The following STX3 variants were observed in gnomAD, a reference collection of about 807,000 sequenced individuals.
STX3 encodes the protein syntaxin-3.
A neutral mutation model predicts 40.2 loss-of-function variants in STX3; 19 were observed. The ratio of observed to expected loss-of-function variants is 0.47; its 90% confidence interval spans 0.33 to 0.69. STX3 has a LOEUF of 0.69. Among genes scored for constraint, STX3 ranks in the 30% least tolerant of loss-of-function variants. The pLI, the probability that STX3 is intolerant of heterozygous loss-of-function variation, is 0.02. For synonymous variants in STX3, 122 were observed against 132.2 expected, an observed-to-expected ratio of 0.92 and a Z score of 0.53; for missense variants, 364 against 366.7, an observed-to-expected ratio of 0.99 and a Z score of 0.06.
intron 8 of STX3, 83 bp from the exon 9 acceptor site, chr11:59,795,289 G>T: frequency 2.6e-6 from 3 of 1,166,892 alleles, no homozygotes; most frequent in Non-Finnish European, 3.7e-6. Flanking sequence ...ACTGAAGATT[G>T]TAAGAAAGAG....
In STX3 at chr11:59,795,469, G is replaced by T. The variant is rs1252468366; in HGVS notation, c.773G>T (p.Ser258Ile). ...ACGAAAAAAGCTGTGAAATACCAGA[G>T]TCAGGCCCGGAAGGTGAGACTCTCC... is the stretch of plus-strand genomic sequence containing the variant. ...DETKKAVKYQ[S>I]QARKKLIIII... is the part of the protein sequence containing the mutation. The change falls in exon 9 of 11, where the codon AGT (serine) becomes ATT (isoleucine). Residue 258 changes from serine (S) to isoleucine (I), a missense_variant. Ser to Ile is a moderately radical substitution (Grantham distance 142, BLOSUM62 -2). Transcript: ENST00000337979. 3.1e-6 allele frequency: 5 copies of T among 1,612,064 alleles called. No individual in the cohort carries two copies. Among genetic ancestry groups the T allele is most frequent in the Non-Finnish European group, 3.4e-6 (4 of 1,179,136 alleles).
At chr11:59,791,386 A>G (rs1865148632) in intron 5 of STX3, among the ~76,000 whole-genome samples, 1 of 152,200 alleles carries the variant, frequency 6.6e-6, no homozygotes, top group Admixed American at 6.5e-5. Context: ...ATCTGATGTT[A>G]TAACTTACAG....
chr11:59,800,961 C>T lies in STX3; in HGVS notation c.*137C>T. Reference sequence around the variant, plus strand: ...TGCGACCCGTTCCTTTGTTTCCTTGCAACCACCCTTGGACCTGACTCAGCT... The same window carrying T: ...TGCGACCCGTTCCTTTGTTTCCTTGTAACCACCCTTGGACCTGACTCAGCT... On this transcript the variant is annotated 3_prime_UTR_variant, in exon 11 of 11. Coordinates refer to ENST00000337979, the MANE Select transcript of STX3 (RefSeq NM_004177.5). The T allele has an allele frequency of 6.5e-7, 1 of 1,535,580 alleles. No homozygotes were observed. Among genetic ancestry groups the T allele is most frequent in the Non-Finnish European group, 8.7e-7 (1 of 1,146,526 alleles).
At chr11:59,796,031 C>T (rs780186772) in intron 9 of STX3, among the ~76,000 whole-genome samples, 2 of 152,242 alleles carry the variant, frequency 1.3e-5, no homozygotes. Context: ...ACACTTGACT[C>T]CTCTGTTCAG....
intron 5 of STX3, among the ~76,000 whole-genome samples, chr11:59,791,046 A>C (rs1474676299): frequency 6.6e-6 from 1 of 150,596 alleles, no homozygotes; most frequent in Non-Finnish European, 1.5e-5. Context: ...GGATGCGATA[A>C]GAAGACACAT....
intron 9 of STX3, among the ~76,000 whole-genome samples, chr11:59,796,084 C>T (rs1247180290): frequency 3.3e-5 from 5 of 152,316 alleles, no homozygotes; most frequent in South Asian, 2.1e-4. Context: ...GCCCAAGCTC[C>T]GCCTCCCTTC....
intron 2 of STX3, chr11:59,781,536 G>C (rs1864382633): frequency 1.2e-6 from 2 of 1,613,704 alleles, no homozygotes; most frequent in Non-Finnish European, 1.7e-6. Flanking sequence ...AAACTGTGTT[G>C]TTTTCAAAGT....
intron 1 of STX3, 149 bp from the exon 2 acceptor site, chr11:59,773,062 G>A (rs376159581): frequency 5.4e-5 from 37 of 691,298 alleles, no homozygotes; most frequent in South Asian, 3.8e-4. Context: ...TTGAGACACC[G>A]GAATTTGATA....
chr11:59,782,838 C>CAA (rs567313662), intron 2 of STX3, among the ~76,000 whole-genome samples: 6 of 105,116 alleles, frequency 5.7e-5, no homozygotes, highest in African/African-American at 1.8e-4. Flanking sequence ...ACTAAAAATA[C>CAA]AAAAAAAAAA....
At chr11:59,766,981 A>G (rs75759299) in intron 1 of STX3, among the ~76,000 whole-genome samples, 8,283 of 152,298 alleles carry the variant, frequency 0.054, 321 homozygotes, top group East Asian at 0.12. Context: ...TTTATAAATT[A>G]TATGAGCTAA....
rs779813245 is a variant in STX3, at chr11:59,790,530, C to T, written c.301C>T (p.His101Tyr). 2 of 1,613,682 alleles carry T rather than the reference C, an allele frequency of 1.2e-6. No homozygotes were observed. The highest frequency in any genetic ancestry group is 2.2e-5 in the South Asian group (2 of 91,064). Residue 101 changes from histidine (H) to tyrosine (Y), a missense_variant, in exon 5 of 11, where the codon CAT (histidine) becomes TAT (tyrosine). By Grantham distance (83) the His-to-Tyr change is moderately conservative. Transcript: ENST00000337979. ...CCTCTCCTCTTTAGGCATGGAGAAG[C>T]ATATTGAAGAAGATGAGGTCAGGTC... ...VRNKLKSMEK[H>Y]IEEDEVRSSA...
rs550325007 is a variant in STX3, at chr11:59,763,943, G to A, written c.30+8308G>A. ...TGAGGCAGGAGAATCACTTGAACCC[G>A]GGAGGTGGAGGTTGCAATGAGCCAA... is the stretch of plus-strand genomic sequence containing the variant. On this transcript the variant is annotated intron_variant, in intron 1 of 10. Transcript: ENST00000337979. 4.5e-4 allele frequency among the ~76,000 whole-genome samples: 68 copies of A among 152,108 alleles called. 1 individual carries two copies. The South Asian group carries it at 0.013, about 29-fold the overall frequency.
intron 10 of STX3, chr11:59,799,600 T>A: frequency 4.2e-6 from 4 of 962,496 alleles, no homozygotes; most frequent in Non-Finnish European, 4.9e-6. Context: ...ATAACAGGTA[T>A]AAACATTTTT....
In STX3 at chr11:59,803,141, T is replaced by G. The variant is rs972347424; in HGVS notation, c.*2317T>G. The G allele has an allele frequency of 8.1e-7, 1 of 1,230,762 alleles. No individual in the cohort carries two copies. Among genetic ancestry groups the G allele is most frequent in the Non-Finnish European group, 1.0e-6 (1 of 987,430 alleles). 76.2% of individuals were successfully genotyped at this position (1,230,762 alleles called of 1,614,324 possible). A position where few individuals can be genotyped will look rare whatever the true frequency, so the allele number is the denominator to read the frequency against. On this transcript the variant is annotated 3_prime_UTR_variant, in exon 11 of 11. Transcript: ENST00000337979. ...CTTCACACCCTCTTCCATGTCCACA[T>G]GCACTTATCTCCCTGCAGAATACTT...
At chr11:59,769,317 CAG>C (rs1447747399) in intron 1 of STX3, among the ~76,000 whole-genome samples, 2 of 152,084 alleles carry the variant, frequency 1.3e-5, no homozygotes, top group South Asian at 2.1e-4. Flanking sequence ...TGATGACTCA[CAG>C]GGGATTCTGC....
chr11:59,769,853 T>G (rs1272525847), intron 1 of STX3, among the ~76,000 whole-genome samples: 1 of 149,014 alleles, frequency 6.7e-6, no homozygotes, highest in East Asian at 2.0e-4. Context: ...TGTGTGTGTA[T>G]GTATGTGTTT....
In STX3 at chr11:59,803,301, G is replaced by A. The variant is rs1865967141; in HGVS notation, c.*2477G>A. ...TTGGGAGCATATTTGCCTGAAAAAGGTGAGCCATCTGTGGGGAGGGTCAGA... is the reference window on the plus strand; with the variant it reads ...TTGGGAGCATATTTGCCTGAAAAAGATGAGCCATCTGTGGGGAGGGTCAGA... On this transcript the variant is annotated 3_prime_UTR_variant, in exon 11 of 11. Transcript: ENST00000337979. 1 of 1,231,562 alleles carries A rather than the reference G, an allele frequency of 8.1e-7. No individual in the cohort carries two copies. Among genetic ancestry groups the A allele is most frequent in the South Asian group, 4.1e-5 (1 of 24,318 alleles). The allele number at this position is 1,231,562 out of a possible 1,614,324, so 76.3% of individuals were successfully genotyped here.
In STX3 at chr11:59,793,491, A is replaced by C; in HGVS notation, c.652A>C (p.Ile218Leu). Residue 218 changes from isoleucine to leucine, a missense_variant, in exon 8 of 11, where the codon ATC becomes CTC. Coordinates refer to ENST00000337979, the MANE Select transcript of STX3 (RefSeq NM_004177.5). Reference sequence around the variant, plus strand: ...GGAGCTTCACGACATGTTTATGGACATCGCCATGCTGGTGGAGAATCAGGT... The same window carrying C: ...GGAGCTTCACGACATGTTTATGGACCTCGCCATGCTGGTGGAGAATCAGGT... ...IKELHDMFMD[I>L]AMLVENQGEM... 1.9e-6 allele frequency: 3 copies of C among 1,613,876 alleles called. No homozygotes were observed. The highest frequency in any genetic ancestry group is 1.7e-5 in the Admixed American group (1 of 60,010).
At chr11:59,790,221 A>G (rs1336052806) in intron 4 of STX3, among the ~76,000 whole-genome samples, 101 of 152,248 alleles carry the variant, frequency 6.6e-4, no homozygotes, top group Non-Finnish European at 7.3e-5. Flanking sequence ...AGGTACATTA[A>G]GAGGGGTTAA....
Sources: allele counts gnomAD v4.1 joint callset (sites outside exome capture counted in the v4.1 genomes callset), GRCh38; gene constraint gnomAD v4.1.1; transcripts MANE v1.5; gene names NCBI Gene and HGNC (gene_info 2026-07-23, HGNC 2026-07-21).